Variants in DMKN observed in about 807,000 individuals in gnomAD.
DMKN encodes epidermis-specific secreted protein SK30/SK89.
DMKN carries 58 observed loss-of-function variants against 67.6 expected under a neutral mutation model. The observed-to-expected ratio is 0.86, with a 90% CI of 0.69 to 1.07. The LOEUF (loss-of-function observed/expected upper bound fraction) is 1.07, where lower values mean the gene tolerates loss of function less well. Ranked by LOEUF, DMKN falls within the 50% of genes least tolerant of loss-of-function variation. The probability of loss-of-function intolerance (pLI) is 0.00; values close to 1 mark genes in which losing one functional copy is unlikely to be tolerated. For missense variants in DMKN, 596 were observed against 601.5 expected (o/e 0.99, Z 0.10); for synonymous variants, 240 against 232.3 (o/e 1.03, Z -0.30).
intron 4 of DMKN, 70 bp from the exon 5 acceptor site, chr19:35,511,663 T>C (rs1049405758): frequency 1.3e-6 from 2 of 1,592,104 alleles, no homozygotes; most frequent in African/African-American, 2.7e-5. Context: ...CCTCCCTCCC[T>C]CTCCACCCAG....
At chr19:35,508,429 A>G in intron 7 of DMKN, 1 of 603,550 alleles carries the variant, frequency 1.7e-6, no homozygotes, top group Non-Finnish European at 2.9e-6. Context: ...ACTGGAAAAG[A>G]TAAATGGTAA....
intron 10 of DMKN, 28 bp downstream of exon 10, chr19:35,502,802 G>C: frequency 2.5e-6 from 4 of 1,613,658 alleles, no homozygotes; most frequent in South Asian, 1.1e-5. Context: ...CAGGCCCCCA[G>C]TTCTTCAAAC....
chr19:35,499,904 C>G (rs2068063213), intron 13 of DMKN, 54 bp downstream of exon 13: 3 of 1,595,606 alleles, frequency 1.9e-6, no homozygotes, highest in East Asian at 4.5e-5. Context: ...AGCCTCTCTC[C>G]CCATCCCTCA....
rs751099652 is a variant in DMKN, at chr19:35,511,831, T to TGGTGAGTTTGGGGAC, written c.685-33_685-19dup. 1 of 1,609,386 alleles carries TGGTGAGTTTGGGGAC rather than the reference T, an allele frequency of 6.2e-7. No individual in the cohort carries two copies. Among genetic ancestry groups the TGGTGAGTTTGGGGAC allele is most frequent in the East Asian group, 2.2e-5 (1 of 44,728 alleles). On this transcript the variant is annotated intron_variant, in intron 3 of 15. Transcript: ENST00000339686. Reference sequence around the variant, plus strand: ...TTCGTGCACTGTCGAGGGAAAGGGATGGTGAGTTTGGGGACGGTGAGTTTG... The same window carrying TGGTGAGTTTGGGGAC: ...TTCGTGCACTGTCGAGGGAAAGGGATGGTGAGTTTGGGGACGGTGAGTTTGGGGACGGTGAGTTTG...
In DMKN at chr19:35,511,491, CGCCACTGCTGCTGCCACTGCTGCT is replaced by C; in HGVS notation, c.814_837del (p.Ser272_Gly279del). ...CCACCACTGCTGCCGCCACTGCTGC[CGCCACTGCTGCTGCCACTGCTGCT>C]GCCACCACTGCTGCTGCCATTGTTG... is the stretch of plus-strand genomic sequence containing the variant. On this transcript the variant is annotated inframe_deletion, in exon 5 of 16. Coordinates refer to ENST00000339686, the MANE Select transcript of DMKN (RefSeq NM_033317.5). 8.9e-7 allele frequency: 1 copy of C among 1,127,508 alleles called. No homozygotes were observed. Among genetic ancestry groups the C allele is most frequent in the South Asian group, 1.8e-5 (1 of 54,542 alleles). 69.8% of individuals were successfully genotyped at this position (1,127,508 alleles called of 1,614,324 possible).
Position 35,505,759 on chromosome 19 carries a change from T to TA in DMKN, c.1092dup (p.Lys365Ter), listed in dbSNP as rs1568598205. 1 of 1,614,110 alleles carries TA rather than the reference T, an allele frequency of 6.2e-7. No individual in the cohort carries two copies. Among genetic ancestry groups the TA allele is most frequent in the Admixed American group, 1.7e-5 (1 of 60,010 alleles). On this transcript the variant is annotated frameshift_variant, in exon 9 of 16. Transcript: ENST00000339686. LOFTEE classifies it high-confidence loss of function. ...CAGTTGATGAAACCCAGCTTGGATT[T>TA]AAAATTCTATGGAGGAAACAAAAAG...
chr19:35,500,340 C>G, intron 12 of DMKN, 193 bp downstream of exon 12: 1 of 1,546,418 alleles, frequency 6.5e-7, no homozygotes, highest in Non-Finnish European at 8.8e-7. Flanking sequence ...AAAGAAGTGC[C>G]AGGACGTAAC....
chr19:35,498,623 G>A, intron 15 of DMKN, 93 bp downstream of exon 15: 1 of 1,555,296 alleles, frequency 6.4e-7, no homozygotes, highest in Non-Finnish European at 8.8e-7. Flanking sequence ...TGCCCACTGA[G>A]ATCTGAGGAT....
intron 7 of DMKN, chr19:35,506,201 G>A (rs890957871): frequency 9.4e-6 from 14 of 1,495,456 alleles, no homozygotes; most frequent in Non-Finnish European, 1.2e-5. Flanking sequence ...TGGGGAAAAG[G>A]GGGACCGATG....
At position 35,498,787 on chromosome 19, in the gene DMKN, A is replaced by G. The variant is rs1036016487; in HGVS notation, c.1384-24T>C. The G allele has an allele frequency of 1.9e-6, 3 of 1,614,086 alleles. No individual in the cohort carries two copies. In the African/African-American group the frequency reaches 4.0e-5, roughly 22 times the overall value. On this transcript the variant is annotated intron_variant, in intron 14 of 15. Coordinates refer to ENST00000339686, the MANE Select transcript of DMKN (RefSeq NM_033317.5). The stretch of plus-strand genomic sequence containing the variant: ...GCCTGCCAGAAAAAGAGAAAGTCTG[A>G]GTGGCCACCACAGGGTCCCTTCCAT...
intron 8 of DMKN, 75 bp from the exon 9 acceptor site, chr19:35,505,840 G>C: frequency 6.2e-7 from 1 of 1,613,112 alleles, no homozygotes; most frequent in Non-Finnish European, 8.5e-7. Flanking sequence ...AAGGGCCACT[G>C]CTGACTGTTG....
At chr19:35,504,579 C>CG (rs1374272055) in intron 9 of DMKN, among the ~76,000 whole-genome samples, 1 of 73,350 alleles carries the variant, frequency 1.4e-5, no homozygotes, top group African/African-American at 8.0e-5. Flanking sequence ...CTCCGTCTCA[C>CG]CAAAAAAAAA....
chr19:35,510,511 G>T lies in DMKN; in HGVS notation c.919-259C>A, dbSNP rs537704969. ...AGCTGCTGCCCACCGCAGGCCGGGG[G>T]TGGGAACCCCTGGAGCCCGGCCGCG... On this transcript the variant is annotated intron_variant, in intron 5 of 15. Coordinates refer to ENST00000339686, the MANE Select transcript of DMKN (RefSeq NM_033317.5). The T allele has an allele frequency of 6.5e-6, 10 of 1,547,410 alleles. No homozygotes were observed. The African/African-American group carries it at 1.4e-4, about 21-fold the overall frequency.
intron 15 of DMKN, 78 bp from the exon 16 acceptor site, chr19:35,497,616 C>T (rs1046354260): frequency 1.3e-5 from 2 of 152,328 alleles, no homozygotes; most frequent in Non-Finnish European, 2.9e-5. Flanking sequence ...CACCCAGCGT[C>T]TGGGCACCCA....
rs1197422859 is a variant in DMKN at position 35,513,476 on chromosome 19, C to G, written c.-1G>C. The G allele has an allele frequency of 6.3e-7, 1 of 1,594,238 alleles. No homozygotes were observed. Among genetic ancestry groups the G allele is most frequent in the African/African-American group, 1.3e-5 (1 of 74,722 alleles). ...AGGCCAGGGGCCCCTGGAACTTCAT[C>G]TCTGCCCAGCCCCCTCTCTCTCCAG... On this transcript the variant is annotated 5_prime_UTR_variant, in exon 1 of 16. Transcript: ENST00000339686.
Position 35,511,446 on chromosome 19 carries a change from CACCACT to C in DMKN, c.877_882del (p.Ser293_Gly294del). On this transcript the variant is annotated inframe_deletion, in exon 5 of 16. Coordinates refer to ENST00000339686, the MANE Select transcript of DMKN (RefSeq NM_033317.5). The stretch of plus-strand genomic sequence containing the variant: ...TCACTGCCGCTGTCACCTCTGCTGC[CACCACT>C]GTTGCCACTGCTGCCACCACTGCTG... 1 of 1,590,062 alleles carries C rather than the reference CACCACT, an allele frequency of 6.3e-7. No homozygotes were observed. The highest frequency in any genetic ancestry group is 1.4e-5 in the African/African-American group (1 of 72,746).
chr19:35,501,574 C>T (rs959052123), intron 11 of DMKN, among the ~76,000 whole-genome samples: 6 of 152,304 alleles, frequency 3.9e-5, no homozygotes, highest in Admixed American at 2.6e-4. Context: ...TCAGTGCCCA[C>T]GGGTCCTGTT....
At position 35,512,699 on chromosome 19, in the gene DMKN, AC is replaced by A. The variant is rs780302845; in HGVS notation, c.517del (p.Val173SerfsTer14). 9.3e-6 allele frequency: 15 copies of A among 1,614,020 alleles called. No individual in the cohort carries two copies. Among genetic ancestry groups the A allele is most frequent in the African/African-American group, 2.7e-5 (2 of 74,910 alleles). On this transcript the variant is annotated frameshift_variant, in exon 2 of 16. Transcript: ENST00000339686. LOFTEE classifies it high-confidence loss of function. ...TGCTGAGTTTCCGGGGTATCCGTGGACCCACGGAGTCCCCAGACCTCCAGGA... is the reference window on the plus strand; with the variant it reads ...TGCTGAGTTTCCGGGGTATCCGTGGACCACGGAGTCCCCAGACCTCCAGGA... ...GNPGGLGTPW[V>X]HGYPGNSAGS... is the part of the protein sequence containing the mutation.
intron 7 of DMKN, chr19:35,507,372 CTGATA>C: frequency 7.4e-7 from 1 of 1,351,366 alleles, no homozygotes; most frequent in East Asian, 2.6e-5. Context: ...CAAGAAGAAA[CTGATA>C]TTTTTGTTTC....
Sources: allele counts gnomAD v4.1 joint callset (sites outside exome capture counted in the v4.1 genomes callset), GRCh38; gene constraint gnomAD v4.1.1; transcripts MANE v1.5; gene names NCBI Gene and HGNC (gene_info 2026-07-23, HGNC 2026-07-21).